Variants in GPC6 observed in about 807,000 individuals in gnomAD.
GPC6 encodes the protein glypican 6, also known as glypican-6.
Under a neutral mutation model 55.2 loss-of-function variants are expected in GPC6, and 14 were observed. The observed-to-expected ratio is 0.25, with a 90% CI of 0.17 to 0.40. The LOEUF (loss-of-function observed/expected upper bound fraction) is 0.40, where lower values mean the gene tolerates loss of function less well. Among genes scored for constraint, GPC6 ranks in the 10% least tolerant of loss-of-function variants. GPC6 has a pLI of 1.00. For missense variants in GPC6, 641 were observed against 708.5 expected (o/e 0.90, Z 1.08); for synonymous variants, 278 against 259.6 (o/e 1.07, Z -0.68).
At chr13:93,580,077 A>G (rs1876863370) in intron 2 of GPC6, among the ~76,000 whole-genome samples, 1 of 152,200 alleles carries the variant, frequency 6.6e-6, no homozygotes. Context: ...TCTGTAAACA[A>G]CAGTCATTTA....
intron 3 of GPC6, among the ~76,000 whole-genome samples, chr13:94,013,109 C>T (rs1475146813): frequency 6.6e-6 from 1 of 152,054 alleles, no homozygotes; most frequent in Non-Finnish European, 1.5e-5. Flanking sequence ...ATGTGTTCGA[C>T]TGGGTAAACA....
intron 2 of GPC6, among the ~76,000 whole-genome samples, chr13:93,772,637 C>T (rs1318262339): frequency 6.6e-6 from 1 of 151,906 alleles, no homozygotes; most frequent in Non-Finnish European, 1.5e-5. Context: ...TAATTTTTTA[C>T]GTGGAAAGAA....
chr13:93,653,147 G>A (rs1006593607), intron 2 of GPC6, among the ~76,000 whole-genome samples: 3 of 152,170 alleles, frequency 2.0e-5, no homozygotes, highest in Non-Finnish European at 2.9e-5. Flanking sequence ...TATGATGAAT[G>A]CTGTCAGTGG....
At chr13:93,971,927 C>T (rs1226364438) in intron 3 of GPC6, among the ~76,000 whole-genome samples, 6 of 152,174 alleles carry the variant, frequency 3.9e-5, no homozygotes, top group Admixed American at 3.9e-4. Context: ...AAGCTAGGCT[C>T]ACGCTGGGCA....
chr13:93,990,964 G>GGAAGGAAA (rs1209541809), intron 3 of GPC6, among the ~76,000 whole-genome samples: 12 of 139,378 alleles, frequency 8.6e-5, no homozygotes, highest in African/African-American at 3.9e-4. Context: ...AAGGAAAGAA[G>GGAAGGAAA]GAAGGAAGGA....
intron 2 of GPC6, among the ~76,000 whole-genome samples, chr13:93,650,116 C>A (rs1880341217): frequency 6.6e-6 from 1 of 152,150 alleles, no homozygotes; most frequent in Admixed American, 6.6e-5. Context: ...CAAACTCTTG[C>A]TGCTACAATT....
At chr13:94,218,808 A>C (rs984657078) in intron 4 of GPC6, among the ~76,000 whole-genome samples, 10 of 152,168 alleles carry the variant, frequency 6.6e-5, no homozygotes, top group African/African-American at 2.4e-4. Flanking sequence ...TACTCTTTAA[A>C]AATGCAGATT....
At chr13:93,419,957 T>A (rs956646663) in intron 1 of GPC6, among the ~76,000 whole-genome samples, 1 of 152,126 alleles carries the variant, frequency 6.6e-6, no homozygotes, top group East Asian at 1.9e-4. Context: ...AAAGATTAAT[T>A]GTTTAATTAC....
intron 3 of GPC6, among the ~76,000 whole-genome samples, chr13:93,975,015 G>A (rs1049146054): frequency 1.3e-5 from 2 of 152,114 alleles, no homozygotes; most frequent in Admixed American, 6.6e-5. Flanking sequence ...CAATGCTAGT[G>A]ATTCCCAAAG....
intron 4 of GPC6, among the ~76,000 whole-genome samples, chr13:94,237,485 T>A (rs1368148096): frequency 1.3e-5 from 2 of 152,124 alleles, no homozygotes; most frequent in Non-Finnish European, 2.9e-5. Flanking sequence ...AAGGTCTCTT[T>A]GTAGGTGGGT....
intron 4 of GPC6, among the ~76,000 whole-genome samples, chr13:94,284,877 A>AAC (rs1555315697): frequency 4.7e-5 from 7 of 149,254 alleles, no homozygotes; most frequent in East Asian, 3.9e-4. Flanking sequence ...AAAAAAAAAA[A>AAC]ACACATAACA....
At chr13:94,269,588 T>C (rs1891928186) in intron 4 of GPC6, among the ~76,000 whole-genome samples, 1 of 152,172 alleles carries the variant, frequency 6.6e-6, no homozygotes, top group Admixed American at 6.5e-5. Flanking sequence ...CCACACAGCT[T>C]GTGTTTGCTT....
intron 2 of GPC6, among the ~76,000 whole-genome samples, chr13:93,788,518 TACACACACAC>T (rs71203703): frequency 1.1e-4 from 16 of 147,930 alleles, no homozygotes; most frequent in Admixed American, 1.0e-3. Context: ...GTTCACTCTT[TACACACACAC>T]ACACACACAC....
rs931198319 is a variant in GPC6, at chr13:93,494,547, G to T, written c.161-50716G>T. ...CATTTAAAGTTAATATTGTTATGTGGGAATTTGATCCTGTCATTATGATGT... is the reference window on the plus strand; with the variant it reads ...CATTTAAAGTTAATATTGTTATGTGTGAATTTGATCCTGTCATTATGATGT... On this transcript the variant is annotated intron_variant, in intron 1 of 8. Coordinates refer to ENST00000377047, the MANE Select transcript of GPC6 (RefSeq NM_005708.5). Among the ~76,000 whole-genome samples, 131 of 152,102 alleles carry T rather than the reference G, an allele frequency of 8.6e-4. 1 individual carries two copies. Among genetic ancestry groups the T allele is most frequent in the Non-Finnish European group, 1.3e-3 (88 of 68,026 alleles).
chr13:93,902,267 C>T (rs1173295117), intron 3 of GPC6, among the ~76,000 whole-genome samples: 1 of 152,096 alleles, frequency 6.6e-6, no homozygotes, highest in Non-Finnish European at 1.5e-5. Context: ...ATGAGAACAG[C>T]TTCCTTAGAT....
chr13:93,461,914 A>C (rs1352579833), intron 1 of GPC6, among the ~76,000 whole-genome samples: 2 of 152,180 alleles, frequency 1.3e-5, no homozygotes, highest in African/African-American at 4.8e-5. Context: ...AGCTATTTGT[A>C]GTTGAACTTA....
intron 5 of GPC6, among the ~76,000 whole-genome samples, chr13:94,295,267 T>C (rs1875261574): frequency 6.6e-6 from 1 of 152,196 alleles, no homozygotes; most frequent in Non-Finnish European, 1.5e-5. Flanking sequence ...AGCACAATGA[T>C]ATAATCCATG....
At chr13:93,283,908 G>A (rs375643644) in intron 1 of GPC6, among the ~76,000 whole-genome samples, 8 of 152,230 alleles carry the variant, frequency 5.3e-5, no homozygotes, top group African/African-American at 1.9e-4. Flanking sequence ...TCAGCAAACA[G>A]GTTACAGAAA....
intron 2 of GPC6, among the ~76,000 whole-genome samples, chr13:93,639,117 T>C (rs531599540): frequency 6.6e-6 from 1 of 152,020 alleles, no homozygotes; most frequent in Non-Finnish European, 1.5e-5. Flanking sequence ...CACGTAATAC[T>C]AAGTACACAG....
Sources: gnomAD v4.1 joint callset for allele counts (sites outside exome capture counted in the v4.1 genomes callset) on GRCh38, gnomAD v4.1.1 for gene constraint, MANE v1.5 for transcripts, NCBI Gene and HGNC (gene_info 2026-07-23, HGNC 2026-07-21) for gene names.